The following WWOX variants were observed in gnomAD, a reference collection of about 807,000 sequenced individuals.
The protein encoded by WWOX is WW domain-containing oxidoreductase.
In WWOX, 69 loss-of-function variants were observed where a neutral mutation model predicts 46.2. The observed-to-expected ratio is 1.49, with a 90% CI of 1.23 to 1.82. The LOEUF (loss-of-function observed/expected upper bound fraction) is 1.82, where lower values mean the gene tolerates loss of function less well. WWOX is among the 40% of genes most tolerant of loss of function. WWOX has a pLI of 0.00. For missense variants in WWOX, 919 were observed against 542.6 expected (o/e 1.69, Z -6.89); for synonymous variants, 359 against 202.6 (o/e 1.77, Z -6.56).
chr16:78,818,435 A>C (rs1232308620), intron 8 of WWOX, among the ~76,000 whole-genome samples: 1 of 152,250 alleles, frequency 6.6e-6, no homozygotes, highest in South Asian at 2.1e-4. Context: ...AGGACAAGGC[A>C]GGCCCAGTTT....
intron 6 of WWOX, among the ~76,000 whole-genome samples, chr16:78,422,832 T>TATATACACACAC (rs2082977191): frequency 5.4e-5 from 6 of 110,158 alleles, no homozygotes; most frequent in South Asian, 3.2e-4. Context: ...CACACATATA[T>TATATACACACAC]ATATATACAT....
intron 8 of WWOX, among the ~76,000 whole-genome samples, chr16:78,979,894 C>T (rs904226454): frequency 5.9e-5 from 9 of 152,120 alleles, no homozygotes; most frequent in African/African-American, 2.2e-4. Flanking sequence ...TTTGGGAGGC[C>T]AAGGTGGGTG....
rs1432918264 is a variant in WWOX at position 78,432,598 on chromosome 16, T to G, written c.902T>G (p.Ile301Ser). 5 of 1,614,034 alleles carry G rather than the reference T, an allele frequency of 3.1e-6. No homozygotes were observed. The highest frequency in any genetic ancestry group is 4.2e-6 in the Non-Finnish European group (5 of 1,180,042). ...TATAACAGGTCCAAGCTCTGCAACA[T>G]CCTCTTCTCCAACGAGCTGCACCGT... Reference protein sequence around the residue: ...LAYNRSKLCNILFSNELHRRL... With the variant: ...LAYNRSKLCNSLFSNELHRRL... Residue 301 changes from isoleucine (I) to serine (S), a missense_variant, in exon 8 of 9, where the codon ATC (isoleucine) becomes AGC (serine). Transcript: ENST00000566780.
intron 8 of WWOX, among the ~76,000 whole-genome samples, chr16:78,968,333 G>C (rs1459642518): frequency 1.3e-5 from 2 of 152,192 alleles, no homozygotes; most frequent in African/African-American, 4.8e-5. Flanking sequence ...CCGACCCGAG[G>C]CAGGAACCAT....
chr16:79,085,863 C>T (rs866281128), intron 8 of WWOX, among the ~76,000 whole-genome samples: 1 of 152,010 alleles, frequency 6.6e-6, no homozygotes, highest in African/African-American at 2.4e-5. Flanking sequence ...CTGGGCAACA[C>T]AGTGAGACCT....
At chr16:78,936,929 G>T (rs1378646586) in intron 8 of WWOX, among the ~76,000 whole-genome samples, 1 of 152,126 alleles carries the variant, frequency 6.6e-6, no homozygotes, top group Middle Eastern at 3.2e-3. Flanking sequence ...GTTTTTCATG[G>T]TTAAATCTTG....
chr16:78,917,282 T>C (rs917403535), intron 8 of WWOX, among the ~76,000 whole-genome samples: 4 of 152,306 alleles, frequency 2.6e-5, no homozygotes, highest in African/African-American at 9.6e-5. Context: ...TTCCCCTAAC[T>C]CAAATCAGAA....
intron 8 of WWOX, among the ~76,000 whole-genome samples, chr16:78,719,088 C>A (rs777707522): frequency 2.8e-4 from 43 of 152,108 alleles, no homozygotes; most frequent in Non-Finnish European, 4.7e-4. Context: ...GACTATGAGC[C>A]CCTCATGACG....
chr16:78,394,095 T>C (rs1437232674), intron 6 of WWOX, among the ~76,000 whole-genome samples: 1 of 152,174 alleles, frequency 6.6e-6, no homozygotes, highest in Non-Finnish European at 1.5e-5. Context: ...TGGGATGAAT[T>C]ACCCTGAAGA....
chr16:78,301,966 T>C (rs1221561037), intron 5 of WWOX, among the ~76,000 whole-genome samples: 1 of 151,876 alleles, frequency 6.6e-6, no homozygotes, highest in Non-Finnish European at 1.5e-5. Flanking sequence ...GTGTTTTTTT[T>C]TTTTTTCTTT....
chr16:79,210,132 G>A (rs2051672322), intron 8 of WWOX, among the ~76,000 whole-genome samples: 1 of 152,092 alleles, frequency 6.6e-6, no homozygotes, highest in African/African-American at 2.4e-5. Context: ...CTCACTCACG[G>A]TCCACACCCC....
At chr16:78,124,941 G>C (rs929940218) in intron 4 of WWOX, among the ~76,000 whole-genome samples, 5 of 152,204 alleles carry the variant, frequency 3.3e-5, no homozygotes, top group African/African-American at 7.2e-5. Flanking sequence ...CCTAGGTGGA[G>C]GATAACTAGC....
chr16:78,700,415 T>A (rs541682805), intron 8 of WWOX, among the ~76,000 whole-genome samples: 2 of 151,846 alleles, frequency 1.3e-5, no homozygotes, highest in African/African-American at 4.8e-5. Flanking sequence ...GTGACCTTAT[T>A]ACTTCTGAGA....
intron 8 of WWOX, among the ~76,000 whole-genome samples, chr16:79,153,544 T>C (rs2050322500): frequency 6.6e-6 from 1 of 152,158 alleles, no homozygotes; most frequent in African/African-American, 2.4e-5. Context: ...ATTCGGACTG[T>C]GGATTACACT....
chr16:78,503,114 AACTCGCAAGCGATGTGTGTCTGG>A, intron 8 of WWOX, among the ~76,000 whole-genome samples: 1 of 152,214 alleles, frequency 6.6e-6, no homozygotes, highest in East Asian at 1.9e-4. Flanking sequence ...TATGAGGCCT[AACTCGCAAGCGATGTGTGTCTGG>A]ATTAAGAGAA....
intron 1 of WWOX, among the ~76,000 whole-genome samples, chr16:78,107,067 C>G (rs1194691148): frequency 6.6e-6 from 1 of 152,224 alleles, no homozygotes; most frequent in Non-Finnish European, 1.5e-5. Context: ...AATTCGTGCT[C>G]TCTGTATTTA....
At chr16:78,441,263 G>A (rs1000319819) in intron 8 of WWOX, among the ~76,000 whole-genome samples, 2 of 152,124 alleles carry the variant, frequency 1.3e-5, no homozygotes, top group African/African-American at 4.8e-5. Context: ...TCTCTTGACA[G>A]TGGTGTTTTT....
Position 78,978,881 on chromosome 16 carries a change from C to T in WWOX, c.1057-232727C>T, listed in dbSNP as rs1032611878. ...GGGATTACAATTCAACATGAGATTT[C>T]GGCGGGGACACAGATCCAAACCTTA... On this transcript the variant is annotated intron_variant, in intron 8 of 8. Transcript: ENST00000566780. 8.5e-5 allele frequency among the ~76,000 whole-genome samples: 13 copies of T among 152,112 alleles called. No homozygotes were observed. The East Asian group carries it at 1.2e-3, about 14-fold the overall frequency.
At chr16:78,533,865 T>C (rs2043691937) in intron 8 of WWOX, among the ~76,000 whole-genome samples, 1 of 152,156 alleles carries the variant, frequency 6.6e-6, no homozygotes, top group South Asian at 2.1e-4. Context: ...ATCTCTATCA[T>C]CTCTGTGAGC....
Sources: allele counts gnomAD v4.1 joint callset (sites outside exome capture counted in the v4.1 genomes callset), GRCh38; gene constraint gnomAD v4.1.1; transcripts MANE v1.5; gene names NCBI Gene and HGNC (gene_info 2026-07-23, HGNC 2026-07-21).